Variants in CDH9 observed in about 807,000 individuals in gnomAD.
The protein encoded by CDH9 is cadherin 9, also known as cadherin-9.
CDH9 carries 28 observed loss-of-function variants against 70.9 expected under a neutral mutation model. That is an observed-to-expected ratio of 0.40 (90% CI 0.29 to 0.54). The LOEUF (loss-of-function observed/expected upper bound fraction) is 0.54. Ranked by LOEUF, CDH9 falls within the 20% of genes least tolerant of loss-of-function variation. The pLI is 0.59. For missense variants in CDH9, 874 were observed against 984.4 expected, an observed-to-expected ratio of 0.89 and a Z score of 1.50; for synonymous variants, 409 against 343.1, an observed-to-expected ratio of 1.19 and a Z score of -2.12.
rs554268385 is a variant in CDH9, at chr5:26,963,693, G to A, written c.228+24413C>T. ...AATGGACCCTTACCATATAATCTGCGAACATTAGTGCACATTGGTGATTAT... is the reference window on the plus strand; with the variant it reads ...AATGGACCCTTACCATATAATCTGCAAACATTAGTGCACATTGGTGATTAT... On this transcript the variant is annotated intron_variant, in intron 2 of 11. Coordinates refer to ENST00000231021, the MANE Select transcript of CDH9 (RefSeq NM_016279.4). 3.3e-5 allele frequency among the ~76,000 whole-genome samples: 5 copies of A among 152,012 alleles called. No homozygotes were observed. In the East Asian group the frequency reaches 9.7e-4, roughly 29 times the overall value.
intron 2 of CDH9, among the ~76,000 whole-genome samples, chr5:26,930,126 T>G (rs1047076562): frequency 7.9e-5 from 12 of 152,072 alleles, no homozygotes; most frequent in African/African-American, 2.9e-4. Context: ...ATCCACACAT[T>G]ATGTACCTAC....
intron 1 of CDH9, among the ~76,000 whole-genome samples, chr5:27,007,902 T>C (rs1742894182): frequency 6.6e-6 from 1 of 152,124 alleles, no homozygotes; most frequent in Non-Finnish European, 1.5e-5. Context: ...GATATTAGGA[T>C]GAATATTAAT....
chr5:27,001,829 TACAC>T (rs1318692075), intron 1 of CDH9, among the ~76,000 whole-genome samples: 7 of 132,984 alleles, frequency 5.3e-5, no homozygotes, highest in African/African-American at 1.6e-4. Flanking sequence ...GTGCTTAACA[TACAC>T]ACACACACAC....
intron 1 of CDH9, among the ~76,000 whole-genome samples, chr5:27,003,217 G>T (rs943957105): frequency 6.6e-6 from 1 of 152,102 alleles, no homozygotes; most frequent in Non-Finnish European, 1.5e-5. Flanking sequence ...AGATTTCAGA[G>T]TTTTGAATTT....
chr5:26,994,532 GTTTT>G (rs1257078083), intron 1 of CDH9, among the ~76,000 whole-genome samples: 14 of 149,820 alleles, frequency 9.3e-5, no homozygotes, highest in African/African-American at 3.2e-4. Flanking sequence ...GTTTCGTTTT[GTTTT>G]TTGTTTGTTT....
At chr5:27,003,575 C>T (rs1742807563) in intron 1 of CDH9, among the ~76,000 whole-genome samples, 1 of 151,966 alleles carries the variant, frequency 6.6e-6, no homozygotes. Flanking sequence ...GGTCCTTCAC[C>T]CCAGACCCAT....
intron 1 of CDH9, among the ~76,000 whole-genome samples, chr5:26,992,047 G>GTA (rs1489021909): frequency 6.6e-5 from 10 of 152,094 alleles, no homozygotes; most frequent in East Asian, 1.9e-4. Context: ...ATGTACAAAT[G>GTA]TATATATATA....
chr5:27,004,922 A>T (rs1742833934), intron 1 of CDH9, among the ~76,000 whole-genome samples: 2 of 124,456 alleles, frequency 1.6e-5, no homozygotes, highest in African/African-American at 3.1e-5. Context: ...AGTGGTTGAA[A>T]TTTTACATTA....
Position 27,014,818 on chromosome 5 carries a change from C to T in CDH9, c.-50+23645G>A, listed in dbSNP as rs578197448. 1.3e-3 allele frequency among the ~76,000 whole-genome samples: 204 copies of T among 151,974 alleles called. 2 individuals carry two copies. The highest frequency in any genetic ancestry group is 0.012 in the Admixed American group (189 of 15,182). ...TTTTATTTTTATCCTGATCTGCCCA[C>T]TCTGAACCCCTCAATTCATCTAAGA... is the stretch of plus-strand genomic sequence containing the variant. On this transcript the variant is annotated intron_variant, in intron 1 of 11. Coordinates refer to ENST00000231021, the MANE Select transcript of CDH9 (RefSeq NM_016279.4).
At chr5:26,999,112 G>T (rs922694893) in intron 1 of CDH9, among the ~76,000 whole-genome samples, 2 of 152,036 alleles carry the variant, frequency 1.3e-5, no homozygotes, top group African/African-American at 4.8e-5. Context: ...GGGTGTGATG[G>T]TGTGCACCTG....
chr5:26,965,785 G>T (rs557919728), intron 2 of CDH9, among the ~76,000 whole-genome samples: 3 of 151,828 alleles, frequency 2.0e-5, no homozygotes, highest in Non-Finnish European at 4.4e-5. Context: ...ACTTTGGTCC[G>T]TTTTTGCCCC....
At chr5:27,027,718 C>A (rs140545764) in intron 1 of CDH9, among the ~76,000 whole-genome samples, 1 of 152,054 alleles carries the variant, frequency 6.6e-6, no homozygotes, top group African/African-American at 2.4e-5. Context: ...ATACATGGGA[C>A]AATTTGCACC....
chr5:27,022,865 A>G (rs549187844), intron 1 of CDH9, among the ~76,000 whole-genome samples: 2 of 152,234 alleles, frequency 1.3e-5, no homozygotes, highest in South Asian at 4.1e-4. Context: ...AAAGGTCTTC[A>G]GGGAGTCCAG....
chr5:26,951,822 A>C (rs991467210), intron 2 of CDH9, among the ~76,000 whole-genome samples: 1 of 152,118 alleles, frequency 6.6e-6, no homozygotes, highest in Admixed American at 6.5e-5. Context: ...ATTTAATCAG[A>C]GATATCCTCA....
chr5:26,992,039 G>C (rs1176108889), intron 1 of CDH9, among the ~76,000 whole-genome samples: 2 of 152,124 alleles, frequency 1.3e-5, no homozygotes, highest in African/African-American at 4.8e-5. Context: ...AAATGCATAT[G>C]TACAAATGTA....
chr5:26,918,827 C>G (rs1229351690), intron 2 of CDH9, among the ~76,000 whole-genome samples: 1 of 152,184 alleles, frequency 6.6e-6, no homozygotes, highest in African/African-American at 2.4e-5. Context: ...TGAAACTATA[C>G]CATGGTTCTC....
Position 26,948,332 on chromosome 5 carries a change from C to T in CDH9, c.229-32408G>A, listed in dbSNP as rs146331090. Reference sequence around the variant, plus strand: ...TGCGGCTTAGCCAATTACTGATGGGCCGAGAGATGAAACATTTTTCTAGAA... The same window carrying T: ...TGCGGCTTAGCCAATTACTGATGGGTCGAGAGATGAAACATTTTTCTAGAA... On this transcript the variant is annotated intron_variant, in intron 2 of 11. Transcript: ENST00000231021. Among the ~76,000 whole-genome samples the T allele has an allele frequency of 4.3e-3, 660 of 152,230 alleles. 4 individuals carry two copies. Among genetic ancestry groups the T allele is most frequent in the African/African-American group, 0.015 (618 of 41,550 alleles).
At chr5:26,918,458 A>G (rs755082433) in intron 2 of CDH9, among the ~76,000 whole-genome samples, 4 of 152,334 alleles carry the variant, frequency 2.6e-5, no homozygotes, top group South Asian at 2.1e-4. Flanking sequence ...ATATTCTTCT[A>G]TTAAGTCACT....
At chr5:26,899,741 G>A (rs570226587) in intron 7 of CDH9, among the ~76,000 whole-genome samples, 1 of 151,932 alleles carries the variant, frequency 6.6e-6, no homozygotes, top group African/African-American at 2.4e-5. Flanking sequence ...CTAGGGGAGG[G>A]ATAGCATTAG....
Sources: gnomAD v4.1 joint callset for allele counts (sites outside exome capture counted in the v4.1 genomes callset) on GRCh38, gnomAD v4.1.1 for gene constraint, MANE v1.5 for transcripts, NCBI Gene and HGNC (gene_info 2026-07-23, HGNC 2026-07-21) for gene names.